SMURF2: variants seen among roughly 807,000 people sequenced by gnomAD.
SMURF2 encodes E3 ubiquitin-protein ligase SMURF2.
A neutral mutation model predicts 109.6 loss-of-function variants in SMURF2; 48 were observed. The ratio of observed to expected loss-of-function variants is 0.44; its 90% CI spans 0.35 to 0.56. The LOEUF (loss-of-function observed/expected upper bound fraction) is 0.56, where lower values mean the gene tolerates loss of function less well. Among genes scored for constraint, SMURF2 ranks in the 20% least tolerant of loss-of-function variants. The pLI is 0.01. For synonymous variants in SMURF2, 288 were observed against 317.1 expected, an observed-to-expected ratio of 0.91 and a Z score of 0.97; for missense variants, 575 against 909.0, an observed-to-expected ratio of 0.63 and a Z score of 4.72.
rs2144645601 is a variant in SMURF2 at position 64,586,158 on chromosome 17, G to T, written c.413C>A (p.Ser138Tyr). The T allele has an allele frequency of 6.2e-7, 1 of 1,601,528 alleles. No individual in the cohort carries two copies. Among genetic ancestry groups the T allele is most frequent in the Middle Eastern group, 2.2e-4 (1 of 4,620 alleles). ...VRGQIVVSLQ[S>Y]RDRIGTGGQV... The stretch of plus-strand genomic sequence containing the variant: ...TCCTCCTGTGCCTATTCGGTCTCTG[G>T]ACTGAAGACTTACTATTAAATGACA... The change falls in exon 6 of 19, where the codon TCC becomes TAC. Residue 138 changes from serine (S) to tyrosine (Y), a missense_variant. Ser to Tyr is a moderately radical substitution (Grantham distance 144). Transcript: ENST00000262435.
At chr17:64,548,226 C>G (rs1968987315) in intron 16 of SMURF2, among the ~76,000 whole-genome samples, 2 of 152,254 alleles carry the variant, frequency 1.3e-5, no homozygotes, top group South Asian at 4.1e-4. Flanking sequence ...GCATCATCTA[C>G]TAGTTTCAAT....
At chr17:64,554,806 A>G in intron 15 of SMURF2, 50 bp downstream of exon 15, 3 of 1,564,586 alleles carry the variant, frequency 1.9e-6, no homozygotes, top group East Asian at 2.2e-5. Context: ...TCATACTAAC[A>G]TTCTAGAACA....
intron 5 of SMURF2, among the ~76,000 whole-genome samples, chr17:64,589,326 A>G (rs573656968): frequency 1.3e-5 from 2 of 152,294 alleles, no homozygotes; most frequent in East Asian, 1.9e-4. Flanking sequence ...ATTATGTAAC[A>G]TAACAAATCA....
At chr17:64,622,114 A>C (rs1055337852) in intron 1 of SMURF2, among the ~76,000 whole-genome samples, 5 of 150,654 alleles carry the variant, frequency 3.3e-5, no homozygotes, top group African/African-American at 1.2e-4. Flanking sequence ...TAAAAATAAA[A>C]AGCAGTATAA....
intron 9 of SMURF2, 80 bp from the exon 10 acceptor site, chr17:64,572,036 T>C (rs1409488271): frequency 2.5e-6 from 3 of 1,184,892 alleles, no homozygotes; most frequent in Non-Finnish European, 3.5e-6. Context: ...CACAGAACAA[T>C]TCCACAAAGT....
chr17:64,596,585 CAAA>C (rs201858792), intron 3 of SMURF2, among the ~76,000 whole-genome samples: 7 of 45,472 alleles, frequency 1.5e-4, no homozygotes, highest in African/African-American at 4.4e-4. Flanking sequence ...GGAGAGTAAA[CAAA>C]AAAAAAAAAA....
At chr17:64,628,145 C>T (rs782251159) in intron 1 of SMURF2, among the ~76,000 whole-genome samples, 1 of 152,120 alleles carries the variant, frequency 6.6e-6, no homozygotes, top group Non-Finnish European at 1.5e-5. Context: ...TCTGCTGTCT[C>T]GCAAGTTTGT....
chr17:64,643,039 C>CT (rs1480539883), intron 1 of SMURF2, among the ~76,000 whole-genome samples: 4 of 151,974 alleles, frequency 2.6e-5, no homozygotes, highest in Admixed American at 2.6e-4. Context: ...TTATTTTTTA[C>CT]TTTGAGATAG....
chr17:64,602,058 T>C (rs1214609901), intron 2 of SMURF2, among the ~76,000 whole-genome samples: 1 of 151,960 alleles, frequency 6.6e-6, no homozygotes, highest in African/African-American at 2.4e-5. Flanking sequence ...ACTATTATTC[T>C]AAGTGAAGTA....
intron 10 of SMURF2, among the ~76,000 whole-genome samples, chr17:64,565,609 A>AG (rs1205776679): frequency 6.7e-6 from 1 of 149,500 alleles, no homozygotes; most frequent in Non-Finnish European, 1.5e-5. Context: ...CAAAACATGA[A>AG]GGGAAAAAAA....
chr17:64,567,893 T>C (rs753273526), intron 10 of SMURF2, among the ~76,000 whole-genome samples: 33 of 149,698 alleles, frequency 2.2e-4, no homozygotes, highest in Non-Finnish European at 4.0e-4. Flanking sequence ...TTCGCTCTAT[T>C]GCCAGGCTGG....
chr17:64,596,572 A>C (rs1298419931), intron 3 of SMURF2, among the ~76,000 whole-genome samples: 2 of 145,540 alleles, frequency 1.4e-5, no homozygotes, highest in Middle Eastern at 3.2e-3. Context: ...GTTCACCGAA[A>C]CAGGAGAGTA....
At chr17:64,595,721 T>C (rs1471422810) in intron 3 of SMURF2, among the ~76,000 whole-genome samples, 1 of 150,422 alleles carries the variant, frequency 6.6e-6, no homozygotes, top group African/African-American at 2.5e-5. Context: ...AGCCAATTAA[T>C]ATTAATTGTA....
intron 16 of SMURF2, among the ~76,000 whole-genome samples, chr17:64,549,119 A>G (rs1969000739): frequency 6.6e-6 from 1 of 152,014 alleles, no homozygotes; most frequent in Non-Finnish European, 1.5e-5. Context: ...CCCTGTATCT[A>G]CTAAAAATAC....
At chr17:64,584,452 G>A (rs1320617110) in intron 6 of SMURF2, among the ~76,000 whole-genome samples, 4 of 143,734 alleles carry the variant, frequency 2.8e-5, no homozygotes, top group South Asian at 2.2e-4. Context: ...TACGCCTCCC[G>A]GGTTCAAGCG....
At chr17:64,600,063 C>A (rs1969872925) in intron 2 of SMURF2, among the ~76,000 whole-genome samples, 1 of 152,072 alleles carries the variant, frequency 6.6e-6, no homozygotes, top group Non-Finnish European at 1.5e-5. Flanking sequence ...GCTGTAACTA[C>A]AGTCATATTT....
chr17:64,574,385 A>G (rs1969459006), intron 9 of SMURF2, among the ~76,000 whole-genome samples: 1 of 152,262 alleles, frequency 6.6e-6, no homozygotes, highest in Non-Finnish European at 1.5e-5. Context: ...AGTATGCAAT[A>G]TAACAAATAA....
chr17:64,583,927 T>C (rs1256871046), intron 6 of SMURF2, among the ~76,000 whole-genome samples: 1 of 152,152 alleles, frequency 6.6e-6, no homozygotes, highest in African/African-American at 2.4e-5. Context: ...CCTCCCAAAG[T>C]GCTGGGATTA....
At chr17:64,597,403 A>T (rs1969833021) in intron 3 of SMURF2, among the ~76,000 whole-genome samples, 1 of 152,124 alleles carries the variant, frequency 6.6e-6, no homozygotes, top group Admixed American at 6.6e-5. Flanking sequence ...ATAGAGTGAG[A>T]CTGTTTCTAA....
Sources: allele counts gnomAD v4.1 joint callset (sites outside exome capture counted in the v4.1 genomes callset), GRCh38; gene constraint gnomAD v4.1.1; transcripts MANE v1.5; gene names NCBI Gene and HGNC (gene_info 2026-07-23, HGNC 2026-07-21).